Variants in NDUFC2 observed in about 807,000 individuals in gnomAD.
The protein encoded by NDUFC2 is NADH dehydrogenase [ubiquinone] 1 subunit C2.
NDUFC2 carries 2 observed loss-of-function variants against 10.1 expected under a neutral mutation model. The ratio of observed to expected loss-of-function variants is 0.20; its 90% CI spans 0.08 to 0.62. The LOEUF is 0.62. Among genes scored for constraint, NDUFC2 ranks in the 20% least tolerant of loss-of-function variants. NDUFC2 has a pLI of 0.87. For synonymous variants in NDUFC2, 61 were observed against 63.6 expected, an observed-to-expected ratio of 0.96 and a Z score of 0.20; for missense variants, 156 against 159.6, an observed-to-expected ratio of 0.98 and a Z score of 0.12.
At chr11:78,078,395 G>A (rs1473702833) in intron 1 of NDUFC2, among the ~76,000 whole-genome samples, 1 of 152,052 alleles carries the variant, frequency 6.6e-6, no homozygotes, top group Non-Finnish European at 1.5e-5. Flanking sequence ...AGAGGTCCTT[G>A]CCCCCATTAG....
At chr11:78,078,714 T>C (rs933938882) in intron 1 of NDUFC2, among the ~76,000 whole-genome samples, 1 of 149,320 alleles carries the variant, frequency 6.7e-6, no homozygotes, top group African/African-American at 2.5e-5. Flanking sequence ...CCAGACCTCA[T>C]GAATCAGGAT....
At chr11:78,072,821 A>C (rs956385478) in intron 2 of NDUFC2, 177 bp downstream of exon 2, 2 of 891,978 alleles carry the variant, frequency 2.2e-6, no homozygotes, top group Non-Finnish European at 3.3e-6. Flanking sequence ...TGCTGTCCAA[A>C]GGACACGGAG....
chr11:78,076,953 T>C (rs1859276858), intron 1 of NDUFC2, among the ~76,000 whole-genome samples: 1 of 152,156 alleles, frequency 6.6e-6, no homozygotes, highest in African/African-American at 2.4e-5. Flanking sequence ...TACCTGTTTG[T>C]CTCCCTGATT....
chr11:78,068,666 T>C lies in NDUFC2; in HGVS notation c.*1321A>G, dbSNP rs1045597049. On this transcript the variant is annotated 3_prime_UTR_variant, in exon 3 of 3. Transcript: ENST00000281031. ...TGGGCGTCGTGGCATGCACCTGTAG[T>C]CCCAGCTACTCGGGAGGCTGAGGCA... 6.6e-6 allele frequency: 1 copy of C among 151,598 alleles called. No homozygotes were observed. The highest frequency in any genetic ancestry group is 2.4e-5 in the African/African-American group (1 of 41,190). 9.4% of individuals were successfully genotyped at this position (151,598 alleles called of 1,614,324 possible).
intron 2 of NDUFC2, among the ~76,000 whole-genome samples, chr11:78,071,614 T>A (rs1469777270): frequency 6.6e-6 from 1 of 152,192 alleles, no homozygotes; most frequent in Non-Finnish European, 1.5e-5. Flanking sequence ...CAGATACTCA[T>A]ATATGTGCAC....
At position 78,079,474 on chromosome 11, in the gene NDUFC2, A is replaced by T. The variant is rs113087585; in HGVS notation, c.166+105T>A. The T allele has an allele frequency of 7.7e-6, 11 of 1,430,772 alleles. No individual in the cohort carries two copies. In the African/African-American group the frequency reaches 8.9e-5, roughly 12 times the overall value. The allele number at this position is 1,430,772 out of a possible 1,614,324, so 88.6% of individuals were successfully genotyped here. ...AGGCGAGATGGGGCCAGCTAGGCAAAAAGGCACGGAAAAGCAGAGCACCTC... is the reference window on the plus strand; with the variant it reads ...AGGCGAGATGGGGCCAGCTAGGCAATAAGGCACGGAAAAGCAGAGCACCTC... On this transcript the variant is annotated intron_variant, in intron 1 of 2. Coordinates refer to ENST00000281031, the MANE Select transcript of NDUFC2 (RefSeq NM_004549.6).
chr11:78,073,196 A>G, intron 1 of NDUFC2, 55 bp from the exon 2 acceptor site: 3 of 1,607,962 alleles, frequency 1.9e-6, no homozygotes, highest in Non-Finnish European at 2.5e-6. Context: ...ATGTGTATTA[A>G]GAGTTACATT....
At chr11:78,075,602 A>G (rs1438926054) in intron 1 of NDUFC2, among the ~76,000 whole-genome samples, 1 of 152,196 alleles carries the variant, frequency 6.6e-6, no homozygotes, top group Non-Finnish European at 1.5e-5. Context: ...ATTCATTATT[A>G]TGAGACAGAA....
chr11:78,071,124 T>C (rs1858984256), intron 2 of NDUFC2, among the ~76,000 whole-genome samples: 2 of 152,128 alleles, frequency 1.3e-5, no homozygotes, highest in Non-Finnish European at 2.9e-5. Context: ...ACCATAAATA[T>C]CATATATGTG....
chr11:78,069,947 A>G lies in NDUFC2; in HGVS notation c.*40T>C. ...AACATGTTCCATCAAATTCAGAAAC[A>G]GCAGGTATCAGTGAAACTGGAGCAA... On this transcript the variant is annotated 3_prime_UTR_variant, in exon 3 of 3. Transcript: ENST00000281031. The G allele has an allele frequency of 6.2e-7, 1 of 1,613,388 alleles. No individual in the cohort carries two copies. The highest frequency in any genetic ancestry group is 8.5e-7 in the Non-Finnish European group (1 of 1,179,722).
At chr11:78,079,524 C>T in intron 1 of NDUFC2, 55 bp downstream of exon 1, 1 of 1,533,134 alleles carries the variant, frequency 6.5e-7, no homozygotes, top group Non-Finnish European at 8.8e-7. Flanking sequence ...CCGGGCCAGT[C>T]TGCAGCCCTA....
intron 1 of NDUFC2, among the ~76,000 whole-genome samples, chr11:78,077,057 C>T (rs1296953724): frequency 2.6e-5 from 4 of 152,084 alleles, no homozygotes; most frequent in African/African-American, 9.7e-5. Flanking sequence ...TCTGGGAGGC[C>T]GAGGTGGCAG....
chr11:78,072,416 G>A (rs892070365), intron 2 of NDUFC2, among the ~76,000 whole-genome samples: 1 of 152,210 alleles, frequency 6.6e-6, no homozygotes, highest in African/African-American at 2.4e-5. Context: ...GACCTCAGGT[G>A]ATCTGCCCCG....
Position 78,073,002 on chromosome 11 carries a change from T to G in NDUFC2, c.306A>C (p.Glu102Asp). The G allele has an allele frequency of 6.2e-7, 1 of 1,610,424 alleles. No individual in the cohort carries two copies. The highest frequency in any genetic ancestry group is 2.2e-5 in the East Asian group (1 of 44,872). The change falls in exon 2 of 3, where the codon GAA (glutamate) becomes GAC (aspartate). Residue 102 changes from glutamate to aspartate, a missense_variant. Transcript: ENST00000281031. Reference protein sequence around the residue: ...YMKLHPEDFPEEDKKTYGEIF... With the variant: ...YMKLHPEDFPDEDKKTYGEIF... ...TCTAAAATTAACTTGAAATACCTTC[T>G]TCAGGAAAATCCTCTGGATGTAATT...
Position 78,073,121 on chromosome 11 carries a change from A to G in NDUFC2, c.187T>C (p.Tyr63His). 6.2e-7 allele frequency: 1 copy of G among 1,611,574 alleles called. No individual in the cohort carries two copies. ...CCAGCAAAAAAAAAGGCCGTAATAT[A>G]TAGAAGCTGGCGATGCAAACCTGAA... ...ATAGLHRQLL[Y>H]ITAFFFAGYY... is the part of the protein sequence containing the mutation. Residue 63 changes from tyrosine to histidine, a missense_variant, in exon 2 of 3, where the codon TAT becomes CAT. By Grantham distance (83) the Tyr-to-His change is moderately conservative (BLOSUM62 2). Transcript: ENST00000281031.
At position 78,079,672 on chromosome 11, in the gene NDUFC2, G is replaced by C. The variant is rs760218145; in HGVS notation, c.73C>G (p.Leu25Val). Reference protein sequence around the residue: ...DEARSLPPPKLTDPRLLYIGF... With the variant: ...DEARSLPPPKVTDPRLLYIGF... ...ATGTAGAGGAGCCGCGGGTCGGTCA[G>C]CTTGGGCGGGGGCAGGCTCCGGGCC... The change falls in exon 1 of 3, where the codon CTG becomes GTG. Residue 25 changes from leucine to valine, a missense_variant. Transcript: ENST00000281031. 4.4e-5 allele frequency: 71 copies of C among 1,608,656 alleles called. No individual in the cohort carries two copies. Among genetic ancestry groups the C allele is most frequent in the Non-Finnish European group, 5.7e-5 (67 of 1,177,952 alleles).
chr11:78,078,155 C>T (rs1159036849), intron 1 of NDUFC2, among the ~76,000 whole-genome samples: 2 of 152,160 alleles, frequency 1.3e-5, no homozygotes, highest in African/African-American at 4.8e-5. Context: ...TTGCCTGAAC[C>T]ATTGCCTGAG....
intron 2 of NDUFC2, 67 bp from the exon 3 acceptor site, chr11:78,070,103 G>A (rs1259274880): frequency 3.8e-5 from 43 of 1,121,306 alleles, no homozygotes; most frequent in Non-Finnish European, 5.2e-5. Flanking sequence ...TTTCCTAAAC[G>A]AAAATTAACA....
chr11:78,075,523 T>C (rs1292895814), intron 1 of NDUFC2, among the ~76,000 whole-genome samples: 7 of 152,238 alleles, frequency 4.6e-5, no homozygotes, highest in African/African-American at 1.4e-4. Context: ...TATTTTAACA[T>C]TTCCTGCTAA....
Sources: gnomAD v4.1 joint callset for allele counts (sites outside exome capture counted in the v4.1 genomes callset) on GRCh38, gnomAD v4.1.1 for gene constraint, MANE v1.5 for transcripts, NCBI Gene and HGNC (gene_info 2026-07-23, HGNC 2026-07-21) for gene names.